The following PRSS38 variants were observed in gnomAD, a reference collection of about 807,000 sequenced individuals.
PRSS38 encodes the protein marapsin 2.
Under a neutral mutation model 26.8 loss-of-function variants are expected in PRSS38, and 22 were observed. The ratio of observed to expected loss-of-function variants is 0.82; its 90% CI spans 0.59 to 1.17. PRSS38 has a LOEUF of 1.17. Among genes scored for constraint, PRSS38 ranks in the 50% most tolerant of loss-of-function variants. The pLI is 0.00. For missense variants in PRSS38, 427 were observed against 422.7 expected, an observed-to-expected ratio of 1.01 and a Z score of -0.09; for synonymous variants, 175 against 172.1, an observed-to-expected ratio of 1.02 and a Z score of -0.13.
chr1:227,837,464 C>G (rs145829591), intron 3 of PRSS38, among the ~76,000 whole-genome samples: 8 of 152,300 alleles, frequency 5.3e-5, no homozygotes, highest in African/African-American at 1.9e-4. Context: ...TCAGTGTTTG[C>G]ACGCAGCAAA....
chr1:227,832,993 C>T (rs1665177985), intron 3 of PRSS38, among the ~76,000 whole-genome samples: 1 of 152,144 alleles, frequency 6.6e-6, no homozygotes, highest in Admixed American at 6.5e-5. Flanking sequence ...AACTACAAAA[C>T]TACATTGAAA....
At position 227,845,546 on chromosome 1, in the gene PRSS38, CAT is replaced by C. The variant is rs1665415360; in HGVS notation, c.661_662del (p.Met221ValfsTer17). On this transcript the variant is annotated frameshift_variant, in exon 4 of 5. Coordinates refer to ENST00000366757, the Ensembl canonical transcript of PRSS38. LOFTEE classifies it high-confidence loss of function. ...CCTGGTGCCACCTGCTCTACGGACACATGTCCTACATCATGCCCGACATGCTG... is the reference window on the plus strand; with the variant it reads ...CCTGGTGCCACCTGCTCTACGGACACGTCCTACATCATGCCCGACATGCTG... The C allele has an allele frequency of 6.2e-7, 1 of 1,613,708 alleles. No homozygotes were observed.
chr1:227,825,827 C>T (rs1446669668), intron 3 of PRSS38, among the ~76,000 whole-genome samples: 2 of 152,048 alleles, frequency 1.3e-5, no homozygotes, highest in Admixed American at 1.3e-4. Context: ...CCTCCAACTT[C>T]GTTCTTTTTG....
intron 3 of PRSS38, among the ~76,000 whole-genome samples, chr1:227,827,191 C>G (rs1665085803): frequency 1.3e-5 from 2 of 152,122 alleles, no homozygotes; most frequent in African/African-American, 4.8e-5. Context: ...ATGATGCTGG[C>G]CTCATAGAAC....
chr1:227,822,286 T>C (rs1311278709), intron 3 of PRSS38, among the ~76,000 whole-genome samples: 3 of 152,164 alleles, frequency 2.0e-5, no homozygotes, highest in African/African-American at 7.2e-5. Context: ...TTTGAGCATA[T>C]TTAATACACT....
rs748789393 is a variant in PRSS38, at chr1:227,816,607, G to A, written c.311+355G>A. ...CAGCCTGGTCCCCATGTGCAAGGCT[G>A]GTCCCCTAAGTGCACGACCAGGTCC... On this transcript the variant is annotated intron_variant, in intron 2 of 4. Transcript: ENST00000366757. This position sits in a 1 kb window ranked among gnomAD's most constrained non-coding sequence, Gnocchi z 5.1. Among the ~76,000 whole-genome samples the A allele has an allele frequency of 2.0e-5, 3 of 151,786 alleles. No individual in the cohort carries two copies. The highest frequency in any genetic ancestry group is 2.9e-5 in the Non-Finnish European group (2 of 67,948).
chr1:227,816,395 C>A lies in PRSS38; in HGVS notation c.311+143C>A. ...CTGTCGACCCGCGCAAGGCCAGGTCCCCACCAGTGAGGCTGGTCCCCAAAC... is the reference window on the plus strand; with the variant it reads ...CTGTCGACCCGCGCAAGGCCAGGTCACCACCAGTGAGGCTGGTCCCCAAAC... On this transcript the variant is annotated intron_variant, in intron 2 of 4. Transcript: ENST00000366757. This position sits in a 1 kb window ranked among gnomAD's most constrained non-coding sequence, Gnocchi z 5.1. The A allele has an allele frequency of 1.2e-6, 1 of 863,758 alleles. No individual in the cohort carries two copies. Among genetic ancestry groups the A allele is most frequent in the East Asian group, 2.5e-5 (1 of 39,382 alleles). The allele number at this position is 863,758 out of a possible 1,614,324, so 53.5% of individuals were successfully genotyped here.
At chr1:227,828,416 T>C (rs1049548746) in intron 3 of PRSS38, among the ~76,000 whole-genome samples, 1 of 152,216 alleles carries the variant, frequency 6.6e-6, no homozygotes, top group African/African-American at 2.4e-5. Context: ...CTTTTCTTGT[T>C]GAACCCTTTA....
intron 3 of PRSS38, among the ~76,000 whole-genome samples, chr1:227,834,596 G>A (rs1007745849): frequency 2.0e-5 from 3 of 152,178 alleles, no homozygotes; most frequent in African/African-American, 7.2e-5. Context: ...TTGAACCCGG[G>A]AGGCAGAGGT....
chr1:227,842,370 T>A (rs1461520889), intron 3 of PRSS38, among the ~76,000 whole-genome samples: 2 of 151,836 alleles, frequency 1.3e-5, no homozygotes, highest in Non-Finnish European at 3.0e-5. Flanking sequence ...CCATCTCTGT[T>A]TGTTTGGGGC....
At chr1:227,819,288 A>T (rs1315153188) in intron 3 of PRSS38, among the ~76,000 whole-genome samples, 1 of 152,210 alleles carries the variant, frequency 6.6e-6, no homozygotes, top group Non-Finnish European at 1.5e-5. Flanking sequence ...AGTTTGCTTA[A>T]CCAAACTTTT....
chr1:227,834,239 C>G (rs1665204377), intron 3 of PRSS38, among the ~76,000 whole-genome samples: 3 of 152,304 alleles, frequency 2.0e-5, no homozygotes, highest in Non-Finnish European at 2.9e-5. Context: ...GAGAGAAAAA[C>G]TTTTTGTCGT....
chr1:227,818,668 CT>C (rs762602344), intron 3 of PRSS38, among the ~76,000 whole-genome samples: 18 of 113,910 alleles, frequency 1.6e-4, no homozygotes, highest in South Asian at 2.8e-4. Flanking sequence ...ACAGTGAGAC[CT>C]TCTCTCAAAA....
rs145969087 is a variant in PRSS38 at position 227,823,280 on chromosome 1, G to A, written c.583+5800G>A. On this transcript the variant is annotated intron_variant, in intron 3 of 4. Coordinates refer to ENST00000366757, the Ensembl canonical transcript of PRSS38. ...CATGATTTTATTCCTTTTTATGGCT[G>A]AGTAGTATTCCATGGTGTGTATGAT... Among the ~76,000 whole-genome samples the A allele has an allele frequency of 1.3e-4, 19 of 151,896 alleles. No individual in the cohort carries two copies. In the East Asian group the frequency reaches 3.3e-3, roughly 26 times the overall value.
intron 3 of PRSS38, among the ~76,000 whole-genome samples, chr1:227,830,173 G>T (rs1665132370): frequency 6.6e-6 from 1 of 152,024 alleles, no homozygotes. Context: ...TTTCTAGGTT[G>T]CTGGAATCAA....
intron 3 of PRSS38, among the ~76,000 whole-genome samples, chr1:227,836,371 A>G (rs1303171411): frequency 2.0e-5 from 3 of 151,698 alleles, no homozygotes; most frequent in Non-Finnish European, 4.4e-5. Context: ...GTGAGCCACC[A>G]CACCAAGCCA....
At chr1:227,833,685 T>C (rs1442616180) in intron 3 of PRSS38, among the ~76,000 whole-genome samples, 1 of 152,184 alleles carries the variant, frequency 6.6e-6, no homozygotes, top group Non-Finnish European at 1.5e-5. Context: ...TCATTTTCAA[T>C]GAAGGTGCCA....
intron 3 of PRSS38, among the ~76,000 whole-genome samples, chr1:227,825,247 A>G (rs1472882927): frequency 6.6e-6 from 1 of 152,126 alleles, no homozygotes; most frequent in Non-Finnish European, 1.5e-5. Flanking sequence ...GCTGGAGTGC[A>G]GTAGAGTGAT....
At chr1:227,817,450 G>T in exon 3 of PRSS38, 1 of 1,614,204 alleles carries the variant, frequency 6.2e-7, no homozygotes, top group Non-Finnish European at 8.5e-7. Context: ...CAATTGCTGG[G>T]CTACGGGATG....
Sources: gnomAD v4.1 joint callset for allele counts (sites outside exome capture counted in the v4.1 genomes callset) on GRCh38, gnomAD v4.1.1 for gene constraint, Gnocchi (gnomAD v3.1) non-coding constraint, MANE v1.5 for transcripts, NCBI Gene and HGNC (gene_info 2026-07-23, HGNC 2026-07-21) for gene names.